The following AMBRA1 variants were observed in gnomAD, a reference collection of about 807,000 sequenced individuals.
AMBRA1 encodes the protein autophagy and beclin 1 regulator 1, also known as activating molecule in BECN1-regulated autophagy protein 1.
In AMBRA1, 47 loss-of-function variants were observed where a neutral mutation model predicts 125.4. The observed-to-expected ratio is 0.37, with a 90% CI of 0.30 to 0.48. The LOEUF (loss-of-function observed/expected upper bound fraction) is 0.48. Ranked by LOEUF, AMBRA1 falls within the 20% of genes least tolerant of loss-of-function variation. The pLI is 0.99. For synonymous variants in AMBRA1, 626 were observed against 655.5 expected, an observed-to-expected ratio of 0.95 and a Z score of 0.69; for missense variants, 1,331 against 1,693.4, an observed-to-expected ratio of 0.79 and a Z score of 3.76.
At chr11:46,470,878 C>T (rs1200173667) in intron 11 of AMBRA1, among the ~76,000 whole-genome samples, 3 of 152,042 alleles carry the variant, frequency 2.0e-5, no homozygotes, top group African/African-American at 2.4e-5. Flanking sequence ...ATAAAACAGA[C>T]AAAAATTCCC....
At chr11:46,538,724 C>T (rs1164716788) in intron 7 of AMBRA1, among the ~76,000 whole-genome samples, 1 of 152,172 alleles carries the variant, frequency 6.6e-6, no homozygotes, top group African/African-American at 2.4e-5. Flanking sequence ...TCTCGAACTC[C>T]TGACCTCAGG....
At chr11:46,512,902 C>G (rs117528979) in intron 7 of AMBRA1, 89 bp from the exon 8 acceptor site, 19,100 of 1,238,276 alleles carry the variant, frequency 0.015, 189 homozygotes, top group Middle Eastern at 0.02. Context: ...AGATATATAA[C>G]TTTCCCCTTT....
intron 1 of AMBRA1, among the ~76,000 whole-genome samples, chr11:46,565,185 G>A (rs897854629): frequency 3.3e-5 from 5 of 151,920 alleles, no homozygotes; most frequent in Admixed American, 2.6e-4. Flanking sequence ...TTGAGCCCAG[G>A]AGGCGAAGGT....
intron 1 of AMBRA1, among the ~76,000 whole-genome samples, chr11:46,573,663 C>CT (rs142367481): frequency 0.23 from 32,221 of 138,596 alleles, 4,183 homozygotes; most frequent in African/African-American, 0.38. Context: ...AATCCTTTTT[C>CT]TTTTTTTTTT....
chr11:46,457,791 A>G (rs1948917258), intron 11 of AMBRA1, among the ~76,000 whole-genome samples: 1 of 152,052 alleles, frequency 6.6e-6, no homozygotes, highest in Non-Finnish European at 1.5e-5. Context: ...AATCCCAACT[A>G]CTTAGAAGGC....
At chr11:46,518,115 A>G in intron 7 of AMBRA1, 1 of 985,046 alleles carries the variant, frequency 1.0e-6, no homozygotes, top group Non-Finnish European at 1.2e-6. Flanking sequence ...GAAAAGAAAG[A>G]GATAGCCATT....
At chr11:46,450,102 A>G (rs1028775852) in intron 11 of AMBRA1, among the ~76,000 whole-genome samples, 2 of 151,998 alleles carry the variant, frequency 1.3e-5, no homozygotes, top group East Asian at 1.9e-4. Context: ...ACACCTACAC[A>G]TGGATATTTA....
intron 1 of AMBRA1, among the ~76,000 whole-genome samples, chr11:46,562,138 G>T (rs554281331): frequency 1.3e-4 from 20 of 152,190 alleles, no homozygotes; most frequent in Non-Finnish European, 2.8e-4. Context: ...TTTACCTGGG[G>T]TGGCCAGAGA....
At chr11:46,430,408 A>G (rs964786467) in intron 14 of AMBRA1, among the ~76,000 whole-genome samples, 4 of 152,228 alleles carry the variant, frequency 2.6e-5, no homozygotes, top group African/African-American at 9.6e-5. Flanking sequence ...TGTTTTAAAA[A>G]TACTAATCCT....
intron 11 of AMBRA1, among the ~76,000 whole-genome samples, chr11:46,488,750 A>G (rs1359400733): frequency 6.6e-6 from 1 of 152,224 alleles, no homozygotes; most frequent in Non-Finnish European, 1.5e-5. Context: ...AAAATCACAC[A>G]AAGTATGTTC....
chr11:46,562,543 T>C (rs2043373190), intron 1 of AMBRA1, among the ~76,000 whole-genome samples: 1 of 152,158 alleles, frequency 6.6e-6, no homozygotes, highest in African/African-American at 2.4e-5. Flanking sequence ...TGCATTGTAT[T>C]TGAGGTGTGA....
intron 14 of AMBRA1, chr11:46,428,979 C>T (rs931424383): frequency 1.2e-5 from 19 of 1,612,440 alleles, no homozygotes; most frequent in East Asian, 2.2e-5. Flanking sequence ...TGTTCCTTCA[C>T]GTAGCCTCGG....
At chr11:46,469,655 A>G (rs771618282) in intron 11 of AMBRA1, among the ~76,000 whole-genome samples, 6 of 152,038 alleles carry the variant, frequency 3.9e-5, no homozygotes, top group Non-Finnish European at 7.4e-5. Flanking sequence ...TTAGCAACAT[A>G]TATTTCTTTC....
chr11:46,434,054 G>A (rs1947586914), intron 13 of AMBRA1, among the ~76,000 whole-genome samples: 1 of 147,944 alleles, frequency 6.8e-6, no homozygotes, highest in Non-Finnish European at 1.5e-5. Flanking sequence ...GGTAGAGGTT[G>A]CGGTAAGCTG....
intron 7 of AMBRA1, chr11:46,530,612 A>C (rs972659008): frequency 6.6e-6 from 1 of 152,208 alleles, no homozygotes; most frequent in African/African-American, 2.4e-5. Context: ...CTAGAGAGAG[A>C]GCAAGTGCAG....
intron 14 of AMBRA1, among the ~76,000 whole-genome samples, chr11:46,424,833 TA>T (rs1405212439): frequency 1.3e-5 from 2 of 151,830 alleles, no homozygotes; most frequent in Non-Finnish European, 2.9e-5. Flanking sequence ...TCCTGTGTCT[TA>T]AAAAAAATTT....
At chr11:46,558,117 T>C (rs2043212486) in intron 1 of AMBRA1, among the ~76,000 whole-genome samples, 2 of 152,180 alleles carry the variant, frequency 1.3e-5, no homozygotes, top group Admixed American at 6.5e-5. Context: ...CAACTGATGT[T>C]ACACAGGGGA....
chr11:46,469,974 A>G (rs549350905), intron 11 of AMBRA1, among the ~76,000 whole-genome samples: 8 of 151,764 alleles, frequency 5.3e-5, no homozygotes, highest in Admixed American at 5.3e-4. Flanking sequence ...CACTGTGCCC[A>G]GCCTATTTCA....
chr11:46,399,469 C>T (rs542622743), intron 17 of AMBRA1, among the ~76,000 whole-genome samples: 6 of 152,018 alleles, frequency 3.9e-5, no homozygotes, highest in African/African-American at 7.2e-5. Flanking sequence ...CAGGTTCAAG[C>T]GATTCTCCTG....
Sources: gnomAD v4.1 joint callset for allele counts (sites outside exome capture counted in the v4.1 genomes callset) on GRCh38, gnomAD v4.1.1 for gene constraint, MANE v1.5 for transcripts, NCBI Gene and HGNC (gene_info 2026-07-23, HGNC 2026-07-21) for gene names.